FRK: variants seen among roughly 807,000 people sequenced by gnomAD.
The protein encoded by FRK is tyrosine-protein kinase FRK.
A neutral mutation model predicts 56.4 loss-of-function variants in FRK; 51 were observed. The observed-to-expected ratio is 0.90, with a 90% CI of 0.72 to 1.14. FRK has a LOEUF of 1.14. Among genes scored for constraint, FRK ranks in the 50% most tolerant of loss-of-function variants. FRK has a pLI of 0.00. For synonymous variants in FRK, 245 were observed against 217.9 expected, an observed-to-expected ratio of 1.12 and a Z score of -1.10; for missense variants, 570 against 601.4, an observed-to-expected ratio of 0.95 and a Z score of 0.55.
chr6:116,019,155 G>C (rs1287569331), intron 1 of FRK, among the ~76,000 whole-genome samples: 1 of 151,992 alleles, frequency 6.6e-6, no homozygotes, highest in African/African-American at 2.4e-5. Flanking sequence ...TTTGTTTTTG[G>C]TATTATTTGA....
At chr6:116,003,450 A>T (rs1007134112) in intron 2 of FRK, among the ~76,000 whole-genome samples, 1 of 152,230 alleles carries the variant, frequency 6.6e-6, no homozygotes, top group Non-Finnish European at 1.5e-5. Context: ...TTAATCACAT[A>T]TATTTGCATT....
At chr6:115,975,858 T>C (rs1048137076) in intron 2 of FRK, among the ~76,000 whole-genome samples, 3 of 152,150 alleles carry the variant, frequency 2.0e-5, no homozygotes, top group Non-Finnish European at 4.4e-5. Flanking sequence ...GCAGAACATG[T>C]CGAAGAATTA....
At chr6:116,033,745 G>C (rs1776377328) in intron 1 of FRK, among the ~76,000 whole-genome samples, 1 of 152,096 alleles carries the variant, frequency 6.6e-6, no homozygotes, top group East Asian at 1.9e-4. Context: ...GGAGGATTTT[G>C]AACAGAGAAG....
chr6:116,095,028 T>G, the FRK span, among the ~76,000 whole-genome samples: 1 of 152,264 alleles, frequency 6.6e-6, no homozygotes, highest in Non-Finnish European at 1.5e-5. Context: ...AATACTACCT[T>G]GTTGTCAGTG....
intron 4 of FRK, among the ~76,000 whole-genome samples, chr6:115,959,126 A>C (rs1446524364): frequency 6.6e-6 from 1 of 152,226 alleles, no homozygotes; most frequent in African/African-American, 2.4e-5. Context: ...TTGCCTGTCA[A>C]AGCTACTGTG....
At chr6:116,093,507 G>C in the FRK span, among the ~76,000 whole-genome samples, 4 of 152,134 alleles carry the variant, frequency 2.6e-5, no homozygotes, top group Non-Finnish European at 5.9e-5. Context: ...GAATGCTTTA[G>C]CTGCAGTCCG....
At chr6:116,001,169 G>T (rs1359711500) in intron 2 of FRK, among the ~76,000 whole-genome samples, 2 of 151,592 alleles carry the variant, frequency 1.3e-5, no homozygotes, top group African/African-American at 4.8e-5. Flanking sequence ...ACCCAGAAGG[G>T]AGAGGTTGCA....
intron 1 of FRK, 44 bp downstream of exon 1, chr6:116,059,924 C>T: frequency 1.3e-6 from 2 of 1,494,134 alleles, no homozygotes; most frequent in Non-Finnish European, 1.8e-6. Flanking sequence ...CATTACCCAG[C>T]CCTCAGAGAG....
At chr6:116,023,171 T>C (rs1229054742) in intron 1 of FRK, among the ~76,000 whole-genome samples, 1 of 152,194 alleles carries the variant, frequency 6.6e-6, no homozygotes. Context: ...GGCAAAGATG[T>C]GGAGCATCTC....
At chr6:115,957,146 T>C (rs1773031891) in intron 4 of FRK, among the ~76,000 whole-genome samples, 1 of 152,170 alleles carries the variant, frequency 6.6e-6, no homozygotes, top group Non-Finnish European at 1.5e-5. Flanking sequence ...CAAAAGTTAA[T>C]GGGGTTTTTT....
At chr6:115,997,416 T>A (rs1408201348) in intron 2 of FRK, among the ~76,000 whole-genome samples, 1 of 151,270 alleles carries the variant, frequency 6.6e-6, no homozygotes, top group Admixed American at 6.6e-5. Flanking sequence ...CTGCTCAAAA[T>A]CAGCACAAAC....
At chr6:115,952,061 T>A (rs1429876440) in intron 5 of FRK, among the ~76,000 whole-genome samples, 1 of 152,152 alleles carries the variant, frequency 6.6e-6, no homozygotes, top group Non-Finnish European at 1.5e-5. Flanking sequence ...TTGTTTGAGT[T>A]CATTATAGAT....
chr6:116,025,915 T>C (rs1303292863), intron 1 of FRK, among the ~76,000 whole-genome samples: 1 of 152,164 alleles, frequency 6.6e-6, no homozygotes, highest in Non-Finnish European at 1.5e-5. Flanking sequence ...CTCAGTTTCC[T>C]CATCTGAGTT....
intron 6 of FRK, among the ~76,000 whole-genome samples, 169 bp downstream of exon 6, chr6:115,944,075 G>A (rs962837135): frequency 6.6e-6 from 1 of 152,140 alleles, no homozygotes; most frequent in Non-Finnish European, 1.5e-5. Context: ...CCTTGATTAA[G>A]AAATAGGAAG....
At chr6:116,077,185 T>C in the FRK span, among the ~76,000 whole-genome samples, 1,050 of 152,316 alleles carry the variant, frequency 6.9e-3, 19 homozygotes, top group South Asian at 0.044. Flanking sequence ...GTCAGCTTTA[T>C]AACAAAATAG....
chr6:116,035,441 A>G (rs1265533923), intron 1 of FRK, among the ~76,000 whole-genome samples: 2 of 152,054 alleles, frequency 1.3e-5, no homozygotes, highest in Admixed American at 6.6e-5. Flanking sequence ...TTCTTTTCCA[A>G]TATAACTACA....
At chr6:116,077,751 G>A in the FRK span, among the ~76,000 whole-genome samples, 6 of 152,040 alleles carry the variant, frequency 3.9e-5, no homozygotes, top group Non-Finnish European at 7.3e-5. Context: ...TATAGATCTC[G>A]ATGTCATCAT....
At chr6:115,992,814 G>A (rs898603756) in intron 2 of FRK, among the ~76,000 whole-genome samples, 2 of 151,776 alleles carry the variant, frequency 1.3e-5, no homozygotes. Flanking sequence ...GGGCTTAAAT[G>A]TCAAGGTAAA....
At chr6:115,971,061 T>C (rs1773789362) in intron 2 of FRK, among the ~76,000 whole-genome samples, 1 of 152,214 alleles carries the variant, frequency 6.6e-6, no homozygotes, top group Admixed American at 6.5e-5. Flanking sequence ...CCAAACTAAA[T>C]TTTTATGAAT....
Sources: gnomAD v4.1 joint callset for allele counts (sites outside exome capture counted in the v4.1 genomes callset) on GRCh38, gnomAD v4.1.1 for gene constraint, MANE v1.5 for transcripts, NCBI Gene and HGNC (gene_info 2026-07-23, HGNC 2026-07-21) for gene names.